Variants in SCN10A observed in about 807,000 individuals in gnomAD.
SCN10A encodes the protein sodium channel protein type 10 subunit alpha.
SCN10A carries 162 observed loss-of-function variants against 170.7 expected under a neutral mutation model. The observed-to-expected ratio is 0.95, with a 90% CI of 0.84 to 1.08. The LOEUF is 1.08. SCN10A is among the 50% of genes least tolerant of loss of function. SCN10A has a pLI of 0.00. For missense variants in SCN10A, 2,527 were observed against 2,436.9 expected, an observed-to-expected ratio of 1.04 and a Z score of -0.78; for synonymous variants, 985 against 904.6, an observed-to-expected ratio of 1.09 and a Z score of -1.59.
rs150442007 is a variant in SCN10A, at chr3:38,709,580, G to C, written c.4179C>G (p.Tyr1393Ter). The C allele has an allele frequency of 6.2e-7, 1 of 1,611,046 alleles. No individual in the cohort carries two copies. The highest frequency in any genetic ancestry group is 8.5e-7 in the Non-Finnish European group (1 of 1,178,718). ...TGAAGATGACAAAGTACAAATACAT[G>C]TACACGTTGTCCTCCCACTTGGGTT... ...NMQPKWEDNV[Y>*]MYLYFVIFII... The change falls in exon 25 of 28, where the codon TAC (tyrosine) becomes TAG (stop). Residue 1393 changes from tyrosine to a stop codon, truncating the protein, a stop_gained. Transcript: ENST00000449082. LOFTEE classifies it high-confidence loss of function.
intron 1 of SCN10A, among the ~76,000 whole-genome samples, chr3:38,812,964 T>C (rs2064450197): frequency 6.6e-6 from 1 of 152,028 alleles, no homozygotes; most frequent in Non-Finnish European, 1.5e-5. Context: ...GCCCTGGAGG[T>C]CAAGGCTGCA....
chr3:38,802,129 C>T (rs1469808399), intron 1 of SCN10A, among the ~76,000 whole-genome samples: 1 of 152,088 alleles, frequency 6.6e-6, no homozygotes, highest in African/African-American at 2.4e-5. Context: ...TCCCTTGTGC[C>T]AGACACTTTT....
At chr3:38,712,789 A>G (rs1228257307) in intron 22 of SCN10A, among the ~76,000 whole-genome samples, 2 of 152,224 alleles carry the variant, frequency 1.3e-5, no homozygotes, top group Admixed American at 6.5e-5. Flanking sequence ...CTTAAATACC[A>G]TACATAAAAC....
chr3:38,770,609 C>T (rs2063987298), intron 5 of SCN10A, among the ~76,000 whole-genome samples: 1 of 152,148 alleles, frequency 6.6e-6, no homozygotes, highest in South Asian at 2.1e-4. Context: ...GTGCCCTACT[C>T]AGACCTTGCC....
chr3:38,714,100 G>A lies in SCN10A; in HGVS notation c.3682-20C>T. 1.2e-6 allele frequency: 2 copies of A among 1,613,402 alleles called. No homozygotes were observed. Among genetic ancestry groups the A allele is most frequent in the Non-Finnish European group, 1.7e-6 (2 of 1,179,464 alleles). ...TGAGATCTGAGTGCAGGAGAGGGCA[G>A]AAACATCACTCTAGGTTTCCAGAAA... On this transcript the variant is annotated intron_variant, in intron 21 of 27. Coordinates refer to ENST00000449082, the MANE Select transcript of SCN10A (RefSeq NM_006514.4).
At chr3:38,749,666 C>G (rs1386763710) in intron 13 of SCN10A, among the ~76,000 whole-genome samples, 3 of 152,110 alleles carry the variant, frequency 2.0e-5, no homozygotes, top group African/African-American at 7.2e-5. Flanking sequence ...AAGTTACAAC[C>G]ATGAAAAATA....
intron 1 of SCN10A, among the ~76,000 whole-genome samples, chr3:38,804,320 A>G (rs966441763): frequency 2.1e-4 from 32 of 152,038 alleles, no homozygotes; most frequent in African/African-American, 7.5e-4. Context: ...CTCCCCGACC[A>G]TCCTTTCCCA....
intron 24 of SCN10A, among the ~76,000 whole-genome samples, chr3:38,710,253 G>A (rs1237266380): frequency 6.6e-6 from 1 of 152,002 alleles, no homozygotes. Context: ...TCTGCCTCCC[G>A]GGTTCAAGAG....
intron 1 of SCN10A, among the ~76,000 whole-genome samples, chr3:38,812,991 C>G (rs1257879571): frequency 1.3e-5 from 2 of 152,018 alleles, no homozygotes; most frequent in Non-Finnish European, 2.9e-5. Context: ...TGAGATTGTG[C>G]CACTGCACTC....
At chr3:38,766,499 AT>A (rs1223834862) in intron 5 of SCN10A, among the ~76,000 whole-genome samples, 31 of 151,876 alleles carry the variant, frequency 2.0e-4, no homozygotes, top group Admixed American at 2.0e-3. Flanking sequence ...TGATCATATG[AT>A]TTTTGTTTTT....
chr3:38,755,248 A>T (rs2063790635), intron 11 of SCN10A, among the ~76,000 whole-genome samples: 1 of 152,122 alleles, frequency 6.6e-6, no homozygotes, highest in Non-Finnish European at 1.5e-5. Flanking sequence ...TGTCAATTAA[A>T]AAAAACTAAG....
Position 38,794,059 on chromosome 3 carries a change from T to C in SCN10A, c.-32-17A>G. 1.9e-6 allele frequency: 3 copies of C among 1,567,438 alleles called. No individual in the cohort carries two copies. Among genetic ancestry groups the C allele is most frequent in the East Asian group, 2.2e-5 (1 of 44,588 alleles). On this transcript the variant is annotated splice_polypyrimidine_tract_variant and intron_variant, in intron 1 of 27. Coordinates refer to ENST00000449082, the MANE Select transcript of SCN10A (RefSeq NM_006514.4). ...ATTTATACTCTTATAAGAGTGGACA[T>C]AACCACAGAGAGGTGACAGCTTGCC...
chr3:38,721,095 C>T (rs1025172147), intron 20 of SCN10A, among the ~76,000 whole-genome samples: 1 of 152,206 alleles, frequency 6.6e-6, no homozygotes, highest in African/African-American at 2.4e-5. Flanking sequence ...GTTTTCCTCC[C>T]ACCTCTCAGA....
intron 1 of SCN10A, among the ~76,000 whole-genome samples, chr3:38,794,260 G>T (rs2064323342): frequency 6.6e-6 from 1 of 152,074 alleles, no homozygotes; most frequent in African/African-American, 2.4e-5. Context: ...TCAGGGTTAT[G>T]TCTTTGCTCC....
intron 1 of SCN10A, among the ~76,000 whole-genome samples, chr3:38,815,246 A>G (rs2064467192): frequency 6.6e-6 from 1 of 151,854 alleles, no homozygotes. Flanking sequence ...TAAATGCTAC[A>G]CTGAAGGCTG....
chr3:38,785,707 G>T (rs1021296349), intron 4 of SCN10A, among the ~76,000 whole-genome samples: 4 of 152,124 alleles, frequency 2.6e-5, no homozygotes, highest in Admixed American at 2.6e-4. Context: ...CCTACAGAAT[G>T]GGAGAAAATT....
chr3:38,728,463 G>T (rs2063479594), intron 16 of SCN10A, 79 bp downstream of exon 16: 3 of 1,442,398 alleles, frequency 2.1e-6, no homozygotes, highest in African/African-American at 2.8e-5. Flanking sequence ...TAAAAATGCA[G>T]ATCAAAGCTT....
At chr3:38,752,065 T>C (rs1417499546) in intron 12 of SCN10A, among the ~76,000 whole-genome samples, 154 bp downstream of exon 12, 2 of 152,164 alleles carry the variant, frequency 1.3e-5, no homozygotes, top group African/African-American at 2.4e-5. Context: ...TCTCTGGGTC[T>C]CATCTTCTAT....
chr3:38,713,917 C>T (rs749597155), intron 22 of SCN10A, 41 bp downstream of exon 22: 8 of 1,608,720 alleles, frequency 5.0e-6, no homozygotes, highest in East Asian at 2.2e-5. Context: ...CATGAACCAC[C>T]GTGCCTGGCC....
Sources: allele counts gnomAD v4.1 joint callset (sites outside exome capture counted in the v4.1 genomes callset), GRCh38; gene constraint gnomAD v4.1.1; transcripts MANE v1.5; gene names NCBI Gene and HGNC (gene_info 2026-07-23, HGNC 2026-07-21).